Variants in DLGAP4 observed in about 807,000 individuals in gnomAD.
The protein encoded by DLGAP4 is disks large-associated protein 4.
In DLGAP4, 18 loss-of-function variants were observed where a neutral mutation model predicts 86.9. That is an observed-to-expected ratio of 0.21 (90% CI 0.14 to 0.31). DLGAP4 has a LOEUF of 0.31. Among genes scored for constraint, DLGAP4 ranks in the 10% least tolerant of loss-of-function variants. DLGAP4 has a pLI of 1.00. For missense variants in DLGAP4, 1,085 were observed against 1,362.6 expected (o/e 0.80, Z 3.21); for synonymous variants, 548 against 574.3 (o/e 0.95, Z 0.65).
At position 36,396,353 on chromosome 20, in the gene DLGAP4, ATAC is replaced by A. The variant is rs796462645; in HGVS notation, c.-73+29079_-73+29081del. 6.3e-3 allele frequency among the ~76,000 whole-genome samples: 842 copies of A among 133,896 alleles called. 16 individuals are homozygous for A. The highest frequency in any genetic ancestry group is 0.012 in the East Asian group (52 of 4,440). 87.8% of individuals were successfully genotyped at this position (133,896 alleles called of 152,430 possible). A position where few individuals can be genotyped will look rare whatever the true frequency, so the allele number is the denominator to read the frequency against. On this transcript the variant is annotated intron_variant, in intron 2 of 12. Coordinates refer to ENST00000339266, the MANE Select transcript of DLGAP4 (RefSeq NM_001365621.2). ...CACACACACGCACACACACACACAC[ATAC>A]CACACGCACATACACACACCCCACA...
intron 2 of DLGAP4, among the ~76,000 whole-genome samples, chr20:36,419,304 A>T (rs2032754679): frequency 1.3e-5 from 2 of 151,428 alleles, no homozygotes; most frequent in African/African-American, 4.9e-5. Context: ...CTCATGCTTT[A>T]TTTTTTGTAG....
chr20:36,393,215 G>C lies in DLGAP4; in HGVS notation c.-73+25940G>C, dbSNP rs2147467903. 6.6e-6 allele frequency among the ~76,000 whole-genome samples: 1 copy of C among 152,194 alleles called. No individual in the cohort carries two copies. The highest frequency in any genetic ancestry group is 2.1e-4 in the South Asian group (1 of 4,820). On this transcript the variant is annotated intron_variant, in intron 2 of 12. Transcript: ENST00000339266. This position sits in a 1 kb window ranked among gnomAD's most constrained non-coding sequence, Gnocchi z 4.4. ...GAAGGGGGTGATTCAAATCCCAGGG[G>C]ATGAGGTGCATTGGGGAGGTGACTG... is the stretch of plus-strand genomic sequence containing the variant.
intron 1 of DLGAP4, among the ~76,000 whole-genome samples, chr20:36,341,664 C>T (rs1056534234): frequency 6.6e-6 from 1 of 152,252 alleles, no homozygotes; most frequent in East Asian, 1.9e-4. Context: ...CAGATCTGCA[C>T]TTGGGTGGCC....
At chr20:36,387,381 G>A (rs1485837207) in intron 2 of DLGAP4, among the ~76,000 whole-genome samples, 1 of 152,046 alleles carries the variant, frequency 6.6e-6, no homozygotes, top group African/African-American at 2.4e-5. Flanking sequence ...TTATTAATTT[G>A]TAAAGAGGTT....
At chr20:36,343,628 C>A (rs1282185982) in intron 1 of DLGAP4, among the ~76,000 whole-genome samples, 5 of 152,062 alleles carry the variant, frequency 3.3e-5, no homozygotes, top group African/African-American at 1.2e-4. Flanking sequence ...TACCCCCCCC[C>A]AACCCCCCGT....
intron 2 of DLGAP4, among the ~76,000 whole-genome samples, chr20:36,390,065 C>T (rs1340785856): frequency 6.6e-6 from 1 of 152,188 alleles, no homozygotes; most frequent in African/African-American, 2.4e-5. Context: ...AGCATGGGCT[C>T]CAGGCTGAAA....
At chr20:36,370,074 T>C (rs1275113037) in intron 2 of DLGAP4, among the ~76,000 whole-genome samples, 1 of 152,122 alleles carries the variant, frequency 6.6e-6, no homozygotes, top group Non-Finnish European at 1.5e-5. Context: ...CTCCTCCATT[T>C]TTTCCTCAGA....
At chr20:36,490,759 A>G (rs2147743563) in intron 7 of DLGAP4, among the ~76,000 whole-genome samples, 1 of 152,278 alleles carries the variant, frequency 6.6e-6, no homozygotes, top group African/African-American at 2.4e-5. Context: ...CTCAGGACCA[A>G]GTTCAGCCTG....
Position 36,450,508 on chromosome 20 carries a change from A to AG in DLGAP4, c.1648+3572dup, listed in dbSNP as rs200573600. ...AGTGAGACTCCGTCTCAAAAAAAAA[A>AG]GAATCAGGGTCAACAATTCTATGTT... On this transcript the variant is annotated intron_variant, in intron 7 of 12. Transcript: ENST00000339266. Among the ~76,000 whole-genome samples, 1,412 of 152,238 alleles carry AG rather than the reference A, an allele frequency of 9.3e-3. 24 individuals are homozygous for AG. The highest frequency in any genetic ancestry group is 0.033 in the African/African-American group (1,366 of 41,524).
intron 2 of DLGAP4, among the ~76,000 whole-genome samples, chr20:36,371,755 GT>G (rs888804134): frequency 8.9e-5 from 13 of 146,876 alleles, no homozygotes; most frequent in Admixed American, 1.4e-4. Context: ...AGAGGTTTTT[GT>G]TTTTTTTTTT....
intron 1 of DLGAP4, among the ~76,000 whole-genome samples, chr20:36,310,240 G>T (rs2065042439): frequency 8.0e-6 from 1 of 124,882 alleles, no homozygotes. Flanking sequence ...AAGAAAGAAA[G>T]AAAAGAAAAG....
intron 2 of DLGAP4, among the ~76,000 whole-genome samples, chr20:36,416,107 A>G (rs1038490251): frequency 9.2e-5 from 14 of 152,042 alleles, no homozygotes; most frequent in African/African-American, 3.1e-4. Context: ...CTAAGCCATG[A>G]CTTATTTATT....
In DLGAP4 at chr20:36,400,384, G is replaced by A. The variant is rs566899216; in HGVS notation, c.-72-31262G>A. Among the ~76,000 whole-genome samples, 5 of 152,206 alleles carry A rather than the reference G, an allele frequency of 3.3e-5. No individual in the cohort carries two copies. The South Asian group carries it at 8.3e-4, about 25-fold the overall frequency. Reference sequence around the variant, plus strand: ...TGCTGGCATCTGATTCCTTCATTACGCCTTCTTGACGAGTTGTGTCCCAGC... The same window carrying A: ...TGCTGGCATCTGATTCCTTCATTACACCTTCTTGACGAGTTGTGTCCCAGC... On this transcript the variant is annotated intron_variant, in intron 2 of 12. Coordinates refer to ENST00000339266, the MANE Select transcript of DLGAP4 (RefSeq NM_001365621.2).
intron 7 of DLGAP4, among the ~76,000 whole-genome samples, chr20:36,447,695 A>G (rs1010418727): frequency 6.6e-6 from 1 of 152,160 alleles, no homozygotes; most frequent in African/African-American, 2.4e-5. Context: ...TGCTGGGATT[A>G]TAGGCGTGAG....
At chr20:36,375,303 TC>T (rs2031109089) in intron 2 of DLGAP4, among the ~76,000 whole-genome samples, 1 of 152,218 alleles carries the variant, frequency 6.6e-6, no homozygotes, top group East Asian at 1.9e-4. Flanking sequence ...CTCTTCTAAA[TC>T]CTCAAATGTT....
intron 5 of DLGAP4, 51 bp from the exon 6 acceptor site, chr20:36,442,676 C>G (rs1257067624): frequency 6.2e-7 from 1 of 1,606,100 alleles, no homozygotes; most frequent in African/African-American, 1.3e-5. Context: ...AATCCCCCAC[C>G]CCAGCCCCAG....
At chr20:36,436,759 T>A (rs1351508834) in intron 4 of DLGAP4, among the ~76,000 whole-genome samples, 1 of 149,316 alleles carries the variant, frequency 6.7e-6, no homozygotes, top group Middle Eastern at 3.4e-3. Flanking sequence ...GAGATTGCAG[T>A]GAGCCGAGAT....
chr20:36,357,868 C>G (rs1220178684), intron 1 of DLGAP4, among the ~76,000 whole-genome samples: 1 of 152,202 alleles, frequency 6.6e-6, no homozygotes, highest in African/African-American at 2.4e-5. Flanking sequence ...GGTGAGGGGG[C>G]TGCGGATCCC....
At chr20:36,378,799 G>GT (rs993430910) in intron 2 of DLGAP4, among the ~76,000 whole-genome samples, 27 of 152,100 alleles carry the variant, frequency 1.8e-4, no homozygotes, top group African/African-American at 4.6e-4. Context: ...GTCAGCCACA[G>GT]TAGGAGGGTT....
Sources: allele counts gnomAD v4.1 joint callset (sites outside exome capture counted in the v4.1 genomes callset), GRCh38; gene constraint gnomAD v4.1.1; non-coding constraint Gnocchi (gnomAD v3.1); transcripts MANE v1.5; gene names NCBI Gene and HGNC (gene_info 2026-07-23, HGNC 2026-07-21).